ZNF354A: variants seen among roughly 807,000 people sequenced by gnomAD.
ZNF354A encodes the protein epididymis luminal protein 104.
A neutral mutation model predicts 53.3 loss-of-function variants in ZNF354A; 25 were observed. The observed-to-expected ratio is 0.47, with a 90% CI of 0.34 to 0.66. The LOEUF (loss-of-function observed/expected upper bound fraction) is 0.66. ZNF354A is among the 30% of genes least tolerant of loss of function. ZNF354A has a pLI of 0.01. For missense variants in ZNF354A, 586 were observed against 716.8 expected (o/e 0.82, Z 2.08); for synonymous variants, 228 against 249.0 (o/e 0.92, Z 0.79).
intron 4 of ZNF354A, among the ~76,000 whole-genome samples, chr5:178,717,693 A>G (rs2113872586): frequency 6.6e-6 from 1 of 152,280 alleles, no homozygotes; most frequent in Non-Finnish European, 1.5e-5. Flanking sequence ...GGGGGTCAGC[A>G]GCATGTGGGT....
intron 4 of ZNF354A, among the ~76,000 whole-genome samples, chr5:178,716,291 T>C (rs1343593362): frequency 6.6e-6 from 1 of 152,178 alleles, no homozygotes; most frequent in Non-Finnish European, 1.5e-5. Flanking sequence ...CTTAAGAGTC[T>C]TGAAGACTCT....
intron 4 of ZNF354A, among the ~76,000 whole-genome samples, chr5:178,723,699 C>T (rs748233981): frequency 1.3e-5 from 2 of 151,984 alleles, no homozygotes; most frequent in Non-Finnish European, 2.9e-5. Context: ...CCCACTAGAT[C>T]GTGCACTCCA....
At chr5:178,725,268 C>T in intron 4 of ZNF354A, 108 bp downstream of exon 4, 1 of 1,106,402 alleles carries the variant, frequency 9.0e-7, no homozygotes. Context: ...CCCATCACTT[C>T]TTGAGGCCTG....
At chr5:178,721,284 A>G (rs968938958) in intron 4 of ZNF354A, among the ~76,000 whole-genome samples, 25 of 152,154 alleles carry the variant, frequency 1.6e-4, no homozygotes, top group African/African-American at 6.0e-4. Context: ...AGGCTACTAC[A>G]CACCTAGGCT....
In ZNF354A at chr5:178,726,428, G is replaced by A. The variant is rs1027415029; in HGVS notation, c.160+571C>T. ...TTCTCCTGCCTCAGCCTTCAAAGTAGCGGGGACTACAGGCGCCCGGCATCA... is the reference window on the plus strand; with the variant it reads ...TTCTCCTGCCTCAGCCTTCAAAGTAACGGGGACTACAGGCGCCCGGCATCA... On this transcript the variant is annotated intron_variant, in intron 3 of 4. Coordinates refer to ENST00000335815, the MANE Select transcript of ZNF354A (RefSeq NM_005649.3). Among the ~76,000 whole-genome samples the A allele has an allele frequency of 3.7e-4, 56 of 151,726 alleles. 1 individual carries two copies. The highest frequency in any genetic ancestry group is 1.3e-3 in the African/African-American group (54 of 41,278).
chr5:178,712,920 G>T lies in ZNF354A; in HGVS notation c.958C>A (p.His320Asn). ...RSGLFIHQKI[H>N]AEENPCKYNP... is the part of the protein sequence containing the mutation. ...TACTTACAAGGGTTTTCTTCAGCATGAATTTTTTGATGTATAAAAAGGCCT... is the reference window on the plus strand; with the variant it reads ...TACTTACAAGGGTTTTCTTCAGCATTAATTTTTTGATGTATAAAAAGGCCT... Residue 320 changes from histidine to asparagine, a missense_variant, in exon 5 of 5, where the codon CAT (histidine) becomes AAT (asparagine). His to Asn is a moderately conservative substitution (Grantham distance 68, BLOSUM62 1). Transcript: ENST00000335815. 10 of 1,614,072 alleles carry T rather than the reference G, an allele frequency of 6.2e-6. No homozygotes were observed. The highest frequency in any genetic ancestry group is 8.5e-6 in the Non-Finnish European group (10 of 1,180,010).
At chr5:178,730,471 A>C (rs1191708722) in intron 1 of ZNF354A, 85 bp downstream of exon 1, 2 of 152,248 alleles carry the variant, frequency 1.3e-5, no homozygotes, top group East Asian at 1.9e-4. Context: ...CAGCGCCCAC[A>C]AAGGCTTTCG....
chr5:178,728,782 CAAA>C (rs1157233878), intron 2 of ZNF354A, among the ~76,000 whole-genome samples: 10 of 50,882 alleles, frequency 2.0e-4, no homozygotes, highest in South Asian at 1.1e-3. Flanking sequence ...AAGCGAGATT[CAAA>C]AAAAAAAAAA....
intron 4 of ZNF354A, among the ~76,000 whole-genome samples, chr5:178,717,208 A>G (rs1235914314): frequency 1.3e-5 from 2 of 152,044 alleles, no homozygotes; most frequent in Non-Finnish European, 2.9e-5. Flanking sequence ...CCACTGGGGA[A>G]TTATGTGTTC....
intron 4 of ZNF354A, among the ~76,000 whole-genome samples, chr5:178,723,691 C>T (rs1765852644): frequency 6.6e-6 from 1 of 151,996 alleles, no homozygotes; most frequent in South Asian, 2.1e-4. Context: ...CCTTGTCCCC[C>T]ACTAGATCGT....
At chr5:178,722,237 T>C (rs1156620445) in intron 4 of ZNF354A, among the ~76,000 whole-genome samples, 1 of 152,180 alleles carries the variant, frequency 6.6e-6, no homozygotes, top group Non-Finnish European at 1.5e-5. Context: ...CCTCTCCCAT[T>C]ATTTCAATCA....
intron 4 of ZNF354A, 27 bp downstream of exon 4, chr5:178,725,349 A>G (rs766437779): frequency 6.2e-7 from 1 of 1,606,242 alleles, no homozygotes; most frequent in Admixed American, 1.7e-5. Flanking sequence ...GTCTGCGGCC[A>G]TTCCGCACCT....
At chr5:178,727,692 T>C (rs1196820116) in intron 2 of ZNF354A, among the ~76,000 whole-genome samples, 4 of 152,220 alleles carry the variant, frequency 2.6e-5, no homozygotes, top group Non-Finnish European at 5.9e-5. Flanking sequence ...TTATGTTAAT[T>C]TGCAGTGTAT....
chr5:178,721,875 T>G (rs1765819248), intron 4 of ZNF354A, among the ~76,000 whole-genome samples: 1 of 152,160 alleles, frequency 6.6e-6, no homozygotes, highest in East Asian at 1.9e-4. Flanking sequence ...GTCAACCCCT[T>G]GTCTCTGTAA....
At chr5:178,727,170 G>A (rs1765926512) in intron 2 of ZNF354A, 45 bp from the exon 3 acceptor site, 1 of 1,554,342 alleles carries the variant, frequency 6.4e-7, no homozygotes, top group Non-Finnish European at 8.7e-7. Context: ...CACCCTCACA[G>A]AGCAGAGGGG....
chr5:178,718,513 A>T (rs1765755554), intron 4 of ZNF354A, among the ~76,000 whole-genome samples: 1 of 152,226 alleles, frequency 6.6e-6, no homozygotes, highest in Non-Finnish European at 1.5e-5. Flanking sequence ...ATCCTGAAAA[A>T]TACTTTACAG....
chr5:178,722,481 G>T (rs956000534), intron 4 of ZNF354A, among the ~76,000 whole-genome samples: 4 of 152,132 alleles, frequency 2.6e-5, no homozygotes, highest in Non-Finnish European at 5.9e-5. Flanking sequence ...CAGAAACCAA[G>T]CAAGCATCCC....
chr5:178,725,499 A>G (rs1765888943), intron 3 of ZNF354A, 28 bp from the exon 4 acceptor site: 1 of 1,606,480 alleles, frequency 6.2e-7, no homozygotes, highest in African/African-American at 1.3e-5. Context: ...ACCACAACCA[A>G]ACAAATCAGA....
intron 4 of ZNF354A, among the ~76,000 whole-genome samples, chr5:178,719,194 C>T (rs1012837317): frequency 1.3e-4 from 20 of 152,160 alleles, no homozygotes; most frequent in Non-Finnish European, 2.6e-4. Flanking sequence ...TTAAAAAGTA[C>T]CTACTATGTA....
Sources: gnomAD v4.1 joint callset for allele counts (sites outside exome capture counted in the v4.1 genomes callset) on GRCh38, gnomAD v4.1.1 for gene constraint, MANE v1.5 for transcripts, NCBI Gene and HGNC (gene_info 2026-07-23, HGNC 2026-07-21) for gene names.